Variants in CYB5B observed in about 807,000 individuals in gnomAD.
CYB5B encodes cytochrome b5 type B.
In CYB5B, 14 loss-of-function variants were observed where a neutral mutation model predicts 21.3. The ratio of observed to expected loss-of-function variants is 0.66; its 90% CI spans 0.43 to 1.03. The LOEUF is 1.03. Among genes scored for constraint, CYB5B ranks in the 50% least tolerant of loss-of-function variants. The pLI, the probability that CYB5B is intolerant of heterozygous loss-of-function variation, is 0.00. For missense variants in CYB5B, 166 were observed against 185.1 expected (o/e 0.90, Z 0.60); for synonymous variants, 69 against 68.4 (o/e 1.01, Z -0.04).
intron 3 of CYB5B, among the ~76,000 whole-genome samples, chr16:69,453,883 T>G (rs934549093): frequency 6.6e-6 from 1 of 152,184 alleles, no homozygotes; most frequent in African/African-American, 2.4e-5. Context: ...CATTTTCATA[T>G]ACACTTATAT....
chr16:69,460,392 C>G (rs2015023414), intron 4 of CYB5B, among the ~76,000 whole-genome samples: 1 of 152,062 alleles, frequency 6.6e-6, no homozygotes, highest in African/African-American at 2.4e-5. Context: ...AAGCACTTTA[C>G]AGAAAAGGAA....
At chr16:69,438,651 T>G (rs2014787330) in intron 1 of CYB5B, among the ~76,000 whole-genome samples, 1 of 152,174 alleles carries the variant, frequency 6.6e-6, no homozygotes, top group African/African-American at 2.4e-5. Context: ...CAGAATTCAT[T>G]TCCTGAATGA....
intron 3 of CYB5B, among the ~76,000 whole-genome samples, chr16:69,455,255 C>G (rs769400281): frequency 3.3e-5 from 5 of 152,076 alleles, no homozygotes; most frequent in Non-Finnish European, 4.4e-5. Flanking sequence ...ACATTTATGT[C>G]CTGATGACAA....
chr16:69,448,296 C>A, intron 3 of CYB5B, 152 bp downstream of exon 3: 7 of 805,068 alleles, frequency 8.7e-6, no homozygotes, highest in South Asian at 1.7e-5. Flanking sequence ...GACTCAGTAT[C>A]ATCTCAGGAA....
intron 1 of CYB5B, among the ~76,000 whole-genome samples, chr16:69,434,904 G>T (rs1434681660): frequency 1.3e-5 from 2 of 151,640 alleles, no homozygotes; most frequent in Non-Finnish European, 2.9e-5. Flanking sequence ...GTGTGTAATG[G>T]TATATAATTG....
intron 3 of CYB5B, chr16:69,448,468 G>A: frequency 7.5e-6 from 2 of 266,228 alleles, no homozygotes; most frequent in Non-Finnish European, 1.4e-5. Flanking sequence ...ACATTATGTA[G>A]GACAAGTGAT....
intron 3 of CYB5B, among the ~76,000 whole-genome samples, chr16:69,455,953 T>C (rs573989887): frequency 6.6e-6 from 1 of 152,340 alleles, no homozygotes; most frequent in South Asian, 2.1e-4. Flanking sequence ...TAATTGAATA[T>C]GACTTTAGAA....
chr16:69,450,159 G>T (rs2014917785), intron 3 of CYB5B: 1 of 145,846 alleles, frequency 6.9e-6, no homozygotes, highest in South Asian at 2.1e-4. Context: ...GTTTGAGGCT[G>T]CAGTGAGCCA....
chr16:69,445,263 C>T (rs1469256753), intron 1 of CYB5B, among the ~76,000 whole-genome samples: 1 of 152,138 alleles, frequency 6.6e-6, no homozygotes. Flanking sequence ...ACAAGTGAAT[C>T]GTGGCTGTCT....
Position 69,424,699 on chromosome 16 carries a change from G to C in CYB5B, c.16G>C (p.Ala6Pro). 6.3e-7 allele frequency: 1 copy of C among 1,588,366 alleles called. No homozygotes were observed. Among genetic ancestry groups the C allele is most frequent in the Non-Finnish European group, 8.6e-7 (1 of 1,167,036 alleles). Residue 6 changes from alanine (A) to proline (P), a missense_variant, in exon 1 of 5, where the codon GCG becomes CCG. By Grantham distance (27) the Ala-to-Pro change is conservative (BLOSUM62 -1). Transcript: ENST00000307892. ...GAGAGGCAGTATGTCCGGTTCAATG[G>C]CGACTGCGGAAGCTAGCGGCAGCGA... MSGSM[A>P]TAEASGSDGK... is the part of the protein sequence containing the mutation.
intron 1 of CYB5B, among the ~76,000 whole-genome samples, chr16:69,436,129 G>A (rs2014757652): frequency 6.6e-6 from 1 of 152,192 alleles, no homozygotes; most frequent in Non-Finnish European, 1.5e-5. Context: ...ACTCACATGT[G>A]TGTTCGCGCT....
chr16:69,462,410 C>T lies in CYB5B; in HGVS notation c.363-20C>T. The T allele has an allele frequency of 1.9e-6, 3 of 1,579,588 alleles. No individual in the cohort carries two copies. Among genetic ancestry groups the T allele is most frequent in the Non-Finnish European group, 2.6e-6 (3 of 1,148,704 alleles). ...GCTTAAAATATTAACAACTTTATTG[C>T]TTTCTCCCCCTATTCCTAGTTGCTG... On this transcript the variant is annotated intron_variant, in intron 4 of 4. Transcript: ENST00000307892.
chr16:69,454,302 A>G (rs1395812194), intron 3 of CYB5B, among the ~76,000 whole-genome samples: 2 of 152,214 alleles, frequency 1.3e-5, no homozygotes, highest in Non-Finnish European at 2.9e-5. Context: ...AGGATTATAT[A>G]CTTTGCAAGG....
chr16:69,439,714 G>T (rs117448775), intron 1 of CYB5B, among the ~76,000 whole-genome samples: 1 of 151,570 alleles, frequency 6.6e-6, no homozygotes, highest in Non-Finnish European at 1.5e-5. Context: ...TTATAGGAGC[G>T]GGCCACCACA....
chr16:69,427,651 G>A (rs1318308954), intron 1 of CYB5B, among the ~76,000 whole-genome samples: 2 of 152,026 alleles, frequency 1.3e-5, no homozygotes, highest in Non-Finnish European at 2.9e-5. Flanking sequence ...CGAATAGCTG[G>A]GAAAAGGTGT....
intron 4 of CYB5B, among the ~76,000 whole-genome samples, 169 bp from the exon 5 acceptor site, chr16:69,462,261 G>A (rs2015042179): frequency 6.6e-6 from 1 of 152,018 alleles, no homozygotes; most frequent in Non-Finnish European, 1.5e-5. Flanking sequence ...TTGTAATATT[G>A]TCACTCCAAT....
intron 4 of CYB5B, among the ~76,000 whole-genome samples, chr16:69,461,714 A>G (rs1469364277): frequency 2.6e-5 from 4 of 152,154 alleles, no homozygotes; most frequent in African/African-American, 9.7e-5. Flanking sequence ...TGAAGCTGCC[A>G]TTTGCTTCAC....
intron 3 of CYB5B, among the ~76,000 whole-genome samples, chr16:69,452,891 C>T (rs948316288): frequency 1.5e-4 from 22 of 149,784 alleles, no homozygotes; most frequent in African/African-American, 1.7e-4. Flanking sequence ...CGCAGCTACT[C>T]GGGAGGCTGA....
At chr16:69,451,326 C>T (rs1263699086) in intron 3 of CYB5B, among the ~76,000 whole-genome samples, 1 of 152,146 alleles carries the variant, frequency 6.6e-6, no homozygotes, top group East Asian at 1.9e-4. Context: ...TGCTTGCCTG[C>T]TCTTTAGCAA....
Sources: gnomAD v4.1 joint callset for allele counts (sites outside exome capture counted in the v4.1 genomes callset) on GRCh38, gnomAD v4.1.1 for gene constraint, MANE v1.5 for transcripts, NCBI Gene and HGNC (gene_info 2026-07-23, HGNC 2026-07-21) for gene names.